DDHD1: variants seen among roughly 807,000 people sequenced by gnomAD.
DDHD1 encodes the protein phospholipase DDHD1.
Under a neutral mutation model 96.4 loss-of-function variants are expected in DDHD1, and 49 were observed. The ratio of observed to expected loss-of-function variants is 0.51; its 90% CI spans 0.40 to 0.64. The LOEUF (loss-of-function observed/expected upper bound fraction) is 0.64, where lower values mean the gene tolerates loss of function less well. Among genes scored for constraint, DDHD1 ranks in the 30% least tolerant of loss-of-function variants. DDHD1 has a pLI of 0.00. For synonymous variants in DDHD1, 442 were observed against 446.5 expected, an observed-to-expected ratio of 0.99 and a Z score of 0.13; for missense variants, 1,106 against 1,161.2, an observed-to-expected ratio of 0.95 and a Z score of 0.69.
At chr14:53,078,410 T>C (rs1389023161) in intron 4 of DDHD1, among the ~76,000 whole-genome samples, 3 of 152,172 alleles carry the variant, frequency 2.0e-5, no homozygotes, top group Non-Finnish European at 4.4e-5. Flanking sequence ...TATTGGCCAT[T>C]TGTATATCCT....
intron 1 of DDHD1, among the ~76,000 whole-genome samples, chr14:53,107,699 G>A (rs528228431): frequency 1.3e-5 from 2 of 152,164 alleles, no homozygotes; most frequent in East Asian, 1.9e-4. Context: ...GCTGAGGCAG[G>A]AGAATCACTT....
chr14:53,083,415 C>A (rs1018404839), intron 4 of DDHD1, among the ~76,000 whole-genome samples: 1 of 152,168 alleles, frequency 6.6e-6, no homozygotes, highest in African/African-American at 2.4e-5. Context: ...TTTAAAATGC[C>A]TTCCATTTAT....
chr14:53,148,503 G>A (rs776692743), intron 1 of DDHD1, among the ~76,000 whole-genome samples: 2 of 151,334 alleles, frequency 1.3e-5, no homozygotes, highest in Non-Finnish European at 2.9e-5. Context: ...AGGAGAGACA[G>A]GGTTTCACCA....
intron 6 of DDHD1, among the ~76,000 whole-genome samples, chr14:53,070,736 T>C (rs1210674683): frequency 6.6e-6 from 1 of 152,194 alleles, no homozygotes; most frequent in African/African-American, 2.4e-5. Context: ...AAAATAAACC[T>C]GTTAACTCTG....
chr14:53,140,892 C>G (rs1890597535), intron 1 of DDHD1, among the ~76,000 whole-genome samples: 2 of 152,076 alleles, frequency 1.3e-5, no homozygotes, highest in Non-Finnish European at 2.9e-5. Flanking sequence ...ATTGCAAATA[C>G]TAATCAAAAG....
rs185022991 is a variant in DDHD1, at chr14:53,061,281, A to G, written c.1767-80T>C. 148 of 1,258,632 alleles carry G rather than the reference A, an allele frequency of 1.2e-4. 1 individual carries two copies. In the East Asian group the frequency reaches 3.5e-3, roughly 30 times the overall value. 78.0% of individuals were successfully genotyped at this position (1,258,632 alleles called of 1,614,324 possible). On this transcript the variant is annotated intron_variant, in intron 7 of 12. Coordinates refer to ENST00000673822, the MANE Select transcript of DDHD1 (RefSeq NM_001160148.2). ...TAGATGCTTGCTAGCTTACTAAAGT[A>G]TAAAGACGCAGATGATGGCCCACTA...
At chr14:53,082,826 C>T (rs1200522719) in intron 4 of DDHD1, among the ~76,000 whole-genome samples, 1 of 150,448 alleles carries the variant, frequency 6.6e-6, no homozygotes. Context: ...TGGCAACTCA[C>T]AGGTAGGATC....
chr14:53,045,449 C>T lies in DDHD1; in HGVS notation c.*1319G>A, dbSNP rs911636867. On this transcript the variant is annotated 3_prime_UTR_variant, in exon 13 of 13. Coordinates refer to ENST00000673822, the MANE Select transcript of DDHD1 (RefSeq NM_001160148.2). ...ATGTTGCCCAAGCTGGTCTTGAAAT[C>T]CTGGGCTCAAGAGATCCTCCCATCT... 6.6e-6 allele frequency: 1 copy of T among 152,260 alleles called. No homozygotes were observed. Among genetic ancestry groups the T allele is most frequent in the East Asian group, 1.9e-4 (1 of 5,190 alleles). 9.4% of individuals were successfully genotyped at this position (152,260 alleles called of 1,614,324 possible). A position where few individuals can be genotyped will look rare whatever the true frequency, so the allele number is the denominator to read the frequency against.
Position 53,067,865 on chromosome 14 carries a change from T to C in DDHD1, c.1504-4660A>G, listed in dbSNP as rs144692722. The stretch of plus-strand genomic sequence containing the variant: ...CCAGGTTCACATATTGTTAGCATTG[T>C]ATTCCATTTGCTTTATTCACTTGTT... On this transcript the variant is annotated intron_variant, in intron 6 of 12. Coordinates refer to ENST00000673822, the MANE Select transcript of DDHD1 (RefSeq NM_001160148.2). Among the ~76,000 whole-genome samples, 94 of 152,378 alleles carry C rather than the reference T, an allele frequency of 6.2e-4. 1 individual carries two copies. The highest frequency in any genetic ancestry group is 2.1e-3 in the African/African-American group (88 of 41,594).
At position 53,153,103 on chromosome 14, in the gene DDHD1, TGGA is replaced by T; in HGVS notation, c.-8_-6del. The T allele has an allele frequency of 7.2e-7, 1 of 1,393,836 alleles. No individual in the cohort carries two copies. 86.3% of individuals were successfully genotyped at this position (1,393,836 alleles called of 1,614,324 possible). ...CCCGCGGCCCGGGTAATTCATGCTG[TGGA>T]GACGCCGCCGGCTGTCCGGCGGCGC... is the stretch of plus-strand genomic sequence containing the variant. On this transcript the variant is annotated 5_prime_UTR_variant, in exon 1 of 13. Transcript: ENST00000673822.
intron 1 of DDHD1, among the ~76,000 whole-genome samples, chr14:53,120,168 G>C (rs979452663): frequency 6.6e-6 from 1 of 152,144 alleles, no homozygotes; most frequent in East Asian, 1.9e-4. Context: ...GACAAGCAGA[G>C]AGCCAAATCA....
intron 1 of DDHD1, among the ~76,000 whole-genome samples, chr14:53,118,870 C>G (rs1237040526): frequency 1.3e-5 from 2 of 151,994 alleles, no homozygotes; most frequent in Non-Finnish European, 2.9e-5. Flanking sequence ...GTCAGATTCA[C>G]CAAGGTTGAA....
chr14:53,054,492 T>C lies in DDHD1; in HGVS notation c.2383A>G (p.Thr795Ala). Residue 795 changes from threonine to alanine, a missense_variant, in exon 11 of 13, where the codon ACC becomes GCC. By Grantham distance (58) the Thr-to-Ala change is moderately conservative (BLOSUM62 0). This residue lies in a region of DDHD1 where 650 missense variants were observed against 758.8 expected (regional missense o/e 0.86). Transcript: ENST00000673822. ...KKPVASPSAT[T>A]VGTQTLPHSS... ...TGTGGAAGGGTCTGTGTCCCTACGG[T>C]GGTAGCAGAAGGTGAGGCAACTGGC... 6.2e-7 allele frequency: 1 copy of C among 1,614,062 alleles called. No homozygotes were observed. The highest frequency in any genetic ancestry group is 8.5e-7 in the Non-Finnish European group (1 of 1,179,958).
intron 1 of DDHD1, among the ~76,000 whole-genome samples, chr14:53,140,132 G>C (rs1200096105): frequency 6.6e-6 from 1 of 151,930 alleles, no homozygotes; most frequent in African/African-American, 2.4e-5. Flanking sequence ...TATGCAAATA[G>C]AAATACAAAG....
chr14:53,074,626 AT>A (rs1884796717), intron 4 of DDHD1, among the ~76,000 whole-genome samples: 2 of 152,026 alleles, frequency 1.3e-5, no homozygotes, highest in African/African-American at 4.8e-5. Context: ...AATATTAAAA[AT>A]TTTTTTACAC....
At position 53,054,647 on chromosome 14, in the gene DDHD1, G is replaced by C; in HGVS notation, c.2246-18C>G. On this transcript the variant is annotated intron_variant, in intron 10 of 12. Transcript: ENST00000673822. Reference sequence around the variant, plus strand: ...AGCAGCCCCTGTATTTCACAAAGCAGGGTAGTCATTCTGTTGAATCACACC... The same window carrying C: ...AGCAGCCCCTGTATTTCACAAAGCACGGTAGTCATTCTGTTGAATCACACC... 6.2e-7 allele frequency: 1 copy of C among 1,609,548 alleles called. No individual in the cohort carries two copies. The highest frequency in any genetic ancestry group is 2.2e-5 in the East Asian group (1 of 44,816).
chr14:53,081,897 G>C (rs573871711), intron 4 of DDHD1, among the ~76,000 whole-genome samples: 1 of 151,996 alleles, frequency 6.6e-6, no homozygotes, highest in Non-Finnish European at 1.5e-5. Context: ...AAAATAATGA[G>C]GGAAGGAGAA....
chr14:53,146,910 T>C (rs1035280859), intron 1 of DDHD1, among the ~76,000 whole-genome samples: 9 of 151,938 alleles, frequency 5.9e-5, no homozygotes, highest in Admixed American at 3.3e-4. Context: ...TGTATATCTG[T>C]ACCCTTCATC....
chr14:53,108,283 C>T (rs1017886690), intron 1 of DDHD1, among the ~76,000 whole-genome samples: 5 of 152,188 alleles, frequency 3.3e-5, no homozygotes, highest in Non-Finnish European at 7.3e-5. Flanking sequence ...GCTAAGTGCC[C>T]GGGTTCATCC....
Sources: gnomAD v4.1 joint callset for allele counts (sites outside exome capture counted in the v4.1 genomes callset) on GRCh38, gnomAD v4.1.1 for gene constraint, gnomAD v4.1.1 regional missense constraint, MANE v1.5 for transcripts, NCBI Gene and HGNC (gene_info 2026-07-23, HGNC 2026-07-21) for gene names.